DNAJB1: variants seen among roughly 807,000 people sequenced by gnomAD.
The protein encoded by DNAJB1 is DnaJ heat shock protein family (Hsp40) member B1.
In DNAJB1, 14 loss-of-function variants were observed where a neutral mutation model predicts 24.0. The ratio of observed to expected loss-of-function variants is 0.58; its 90% CI spans 0.39 to 0.91. DNAJB1 has a LOEUF of 0.91. Ranked by LOEUF, DNAJB1 falls within the 40% of genes least tolerant of loss-of-function variation. The pLI is 0.00. For synonymous variants in DNAJB1, 262 were observed against 174.4 expected (o/e 1.50, Z -3.96); for missense variants, 517 against 458.1 (o/e 1.13, Z -1.17).
At chr19:14,532,564 G>A (rs2072714633), upstream of DNAJB1, 2 of 149,136 alleles carry the variant, frequency 1.3e-5, no homozygotes, top group South Asian at 2.2e-4. Context: ...TGTTCAAAGT[G>A]ACCTTGAAGG....
At position 14,542,943 on chromosome 19, in the gene DNAJB1, TGA is replaced by T. The variant is rs377587214; in HGVS notation, c.-214+7263_-214+7264del. On this transcript the variant is annotated intron_variant, in intron 1 of 3. Transcript: ENST00000676982. ...GCCCACCAGCCATTCACAGACTGCC[TGA>T]GAGAATGCAGGGCTTTATGCAGTCT... Among the ~76,000 whole-genome samples, 22 of 151,818 alleles carry T rather than the reference TGA, an allele frequency of 1.4e-4. 2 individuals carry two copies. The highest frequency in any genetic ancestry group is 5.3e-4 in the African/African-American group (22 of 41,372).
upstream of DNAJB1, chr19:14,529,422 G>A (rs377110354): frequency 1.3e-5 from 8 of 604,740 alleles, no homozygotes; most frequent in African/African-American, 1.1e-4. Flanking sequence ...CCTCCTACAG[G>A]CGTTCCGCCC....
At chr19:14,526,116 C>T (rs9305041) in intron 2 of DNAJB1, among the ~76,000 whole-genome samples, 53,021 of 152,072 alleles carry the variant, frequency 0.35, 9,702 homozygotes, top group South Asian at 0.45. Flanking sequence ...TCGGGTTCCC[C>T]CCAAACCTGA....
chr19:14,518,059 GGCC>G, intron 1 of DNAJB1, 77 bp downstream of exon 1: 2 of 1,335,136 alleles, frequency 1.5e-6, no homozygotes, highest in East Asian at 6.1e-5. Context: ...CTTCCCGGGG[GGCC>G]GCCGAGAGGG....
intron 1 of DNAJB1, chr19:14,529,157 C>G (rs1397951532): frequency 5.2e-6 from 1 of 193,590 alleles, no homozygotes; most frequent in Non-Finnish European, 1.1e-5. Context: ...AGCCCGCGAC[C>G]CCAGCCCCTA....
chr19:14,522,345 T>C (rs1440720677), upstream of DNAJB1, among the ~76,000 whole-genome samples: 2 of 151,158 alleles, frequency 1.3e-5, no homozygotes, highest in Non-Finnish European at 2.9e-5. Context: ...TGAGGCCGGG[T>C]GTGGTGGGTC....
chr19:14,557,453 T>G (rs1166720370), intron 1 of DNAJB1, among the ~76,000 whole-genome samples: 1 of 149,300 alleles, frequency 6.7e-6, no homozygotes, highest in East Asian at 2.0e-4. Flanking sequence ...ATCATATTTA[T>G]TCTTTTTTTA....
At position 14,516,820 on chromosome 19, in the gene DNAJB1, A is replaced by G. The variant is rs1386311244; in HGVS notation, c.438T>C (p.Phe146=). ...MGMGGFTNVN[F]GRSRSAQEPA... Reference sequence around the variant, plus strand: ...GCTCTTGGGCAGAGCGGGAGCGGCCAAAGTTCACGTTGGTGAAGCCACCCA... The same window carrying G: ...GCTCTTGGGCAGAGCGGGAGCGGCCGAAGTTCACGTTGGTGAAGCCACCCA... Residue 146 remains phenylalanine, a synonymous_variant, in exon 2 of 3, where the codon TTT becomes TTC. Coordinates refer to ENST00000254322, the MANE Select transcript of DNAJB1 (RefSeq NM_006145.3). The G allele has an allele frequency of 6.2e-6, 10 of 1,613,716 alleles. No homozygotes were observed. Among genetic ancestry groups the G allele is most frequent in the Middle Eastern group, 1.7e-4 (1 of 5,878 alleles).
chr19:14,549,371 C>G (rs1458949240), intron 1 of DNAJB1, among the ~76,000 whole-genome samples: 1 of 151,996 alleles, frequency 6.6e-6, no homozygotes, highest in African/African-American at 2.4e-5. Flanking sequence ...CGCCACCATG[C>G]CCAGCTAACT....
At chr19:14,547,125 A>T (rs185542008) in intron 1 of DNAJB1, among the ~76,000 whole-genome samples, 2 of 152,210 alleles carry the variant, frequency 1.3e-5, no homozygotes, top group Non-Finnish European at 1.5e-5. Flanking sequence ...AAGAGAGCCA[A>T]TGTTAAAGAG....
chr19:14,522,544 G>C (rs10409623), upstream of DNAJB1, among the ~76,000 whole-genome samples: 23,540 of 149,162 alleles, frequency 0.16, 2,020 homozygotes, highest in African/African-American at 0.22. Flanking sequence ...TTTCCCGGCA[G>C]AAAAAGCATC....
At chr19:14,551,926 CCTCTCTCTCTCCCTCCCTCCCT>C (rs2073526165), upstream of DNAJB1, among the ~76,000 whole-genome samples, 1 of 116,852 alleles carries the variant, frequency 8.6e-6, no homozygotes, top group Admixed American at 8.5e-5. Flanking sequence ...TCCCTCCCTC[CCTCTCTCTCTCCCTCCCTCCCT>C]CTCTCTCTCT....
intron 1 of DNAJB1, 113 bp from the exon 2 acceptor site, chr19:14,517,159 CA>C (rs1254754303): frequency 1.8e-6 from 2 of 1,113,748 alleles, no homozygotes; most frequent in South Asian, 1.6e-5. Flanking sequence ...TTTTGTCTGT[CA>C]GGGGAGAGCA....
At chr19:14,524,340 C>A (rs2072393746) in intron 2 of DNAJB1, among the ~76,000 whole-genome samples, 1 of 151,786 alleles carries the variant, frequency 6.6e-6, no homozygotes. Flanking sequence ...ATCAGCCTGG[C>A]CCACATAGTG....
chr19:14,521,444 G>A (rs576884411), upstream of DNAJB1, among the ~76,000 whole-genome samples: 45 of 137,918 alleles, frequency 3.3e-4, no homozygotes, highest in African/African-American at 1.2e-3. Context: ...GGGTGACAGA[G>A]TGAGAGTTTC....
intron 1 of DNAJB1, among the ~76,000 whole-genome samples, chr19:14,536,900 T>C (rs190869553): frequency 1.3e-5 from 2 of 150,404 alleles, no homozygotes; most frequent in East Asian, 3.9e-4. Flanking sequence ...CAGCTAACAT[T>C]TGACAAGTAG....
chr19:14,529,775 G>T, upstream of DNAJB1: 8 of 1,609,962 alleles, frequency 5.0e-6, no homozygotes, highest in African/African-American at 1.3e-5. Context: ...TTCTTTGCGG[G>T]ACCACGGGAC....
chr19:14,534,722 C>G (rs906305633), upstream of DNAJB1, among the ~76,000 whole-genome samples: 2 of 152,118 alleles, frequency 1.3e-5, no homozygotes, highest in South Asian at 4.1e-4. Context: ...TAGGTGTGAG[C>G]CACCGCACCT....
Position 14,557,168 on chromosome 19 carries a change from C to T in DNAJB1, c.-2165-2850G>A, listed in dbSNP as rs539171345. 1.9e-3 allele frequency among the ~76,000 whole-genome samples: 210 copies of T among 111,944 alleles called. 5 individuals are homozygous for T. In the South Asian group the frequency reaches 0.054, roughly 29 times the overall value. 73.4% of individuals were successfully genotyped at this position (111,944 alleles called of 152,430 possible). A position where few individuals can be genotyped will look rare whatever the true frequency, so the allele number is the denominator to read the frequency against. ...TTATTTATTTATTTTGAGACAGGGTCTTGCTGTGTCGCCCAGGCTGGAGTG... is the reference window on the plus strand; with the variant it reads ...TTATTTATTTATTTTGAGACAGGGTTTTGCTGTGTCGCCCAGGCTGGAGTG... On this transcript the variant is annotated intron_variant, in intron 1 of 5. Coordinates refer to the DNAJB1 transcript ENST00000679223.
Sources: gnomAD v4.1 joint callset for allele counts (sites outside exome capture counted in the v4.1 genomes callset) on GRCh38, gnomAD v4.1.1 for gene constraint, MANE v1.5 for transcripts, NCBI Gene and HGNC (gene_info 2026-07-23, HGNC 2026-07-21) for gene names.